ELAC1: variants seen among roughly 807,000 people sequenced by gnomAD.
The protein encoded by ELAC1 is zinc phosphodiesterase ELAC protein 1.
Under a neutral mutation model 25.8 loss-of-function variants are expected in ELAC1, and 19 were observed. The observed-to-expected ratio is 0.74, with a 90% confidence interval of 0.51 to 1.08. ELAC1 has a LOEUF of 1.08. ELAC1 is among the 50% of genes least tolerant of loss of function. The pLI is 0.00. For synonymous variants in ELAC1, 148 were observed against 160.9 expected (o/e 0.92, Z 0.61); for missense variants, 403 against 434.6 (o/e 0.93, Z 0.65).
At chr18:50,981,484 C>G (rs1163493425) in intron 2 of ELAC1, among the ~76,000 whole-genome samples, 1 of 151,978 alleles carries the variant, frequency 6.6e-6, no homozygotes, top group African/African-American at 2.4e-5. Context: ...AGAGAATGCT[C>G]AATATTCCAT....
rs1340759650 is a variant in ELAC1 at position 50,968,087 on chromosome 18, G to C, written c.-36G>C. 1 of 152,110 alleles carries C rather than the reference G, an allele frequency of 6.6e-6. No homozygotes were observed. Among genetic ancestry groups the C allele is most frequent in the Non-Finnish European group, 1.5e-5 (1 of 67,988 alleles). The allele number at this position is 152,110 out of a possible 1,614,324, so 9.4% of individuals were successfully genotyped here. A position where few individuals can be genotyped will look rare whatever the true frequency, so the allele number is the denominator to read the frequency against. ...CAGGGTGCGGGCCTGCGCCTCCCTC[G>C]GCTCCTGGCGCGGGCCTCGGGGAGA... On this transcript the variant is annotated 5_prime_UTR_variant, in exon 1 of 4. Transcript: ENST00000269466.
chr18:50,974,580 A>G lies in ELAC1; in HGVS notation c.157+19A>G, dbSNP rs772093753. ...AAAGCAGGTTAGTGTGCCTTCAGCT[A>G]TCTCATTAAGATTTTTTTGTTGTTC... On this transcript the variant is annotated intron_variant, in intron 2 of 3. Coordinates refer to ENST00000269466, the MANE Select transcript of ELAC1 (RefSeq NM_018696.3). 2.8e-5 allele frequency: 45 copies of G among 1,612,378 alleles called. No individual in the cohort carries two copies.
intron 2 of ELAC1, among the ~76,000 whole-genome samples, chr18:50,978,102 G>T (rs993714385): frequency 1.3e-5 from 2 of 152,180 alleles, no homozygotes; most frequent in Non-Finnish European, 2.9e-5. Flanking sequence ...ACTTTCCCAT[G>T]TCTTCCTGTC....
intron 1 of ELAC1, among the ~76,000 whole-genome samples, chr18:50,971,922 A>G (rs944168972): frequency 2.1e-5 from 3 of 144,298 alleles, no homozygotes; most frequent in Non-Finnish European, 3.0e-5. Context: ...GTATATATAT[A>G]TATATATATA....
chr18:50,971,314 C>G (rs1250395971), intron 1 of ELAC1, among the ~76,000 whole-genome samples: 1 of 152,154 alleles, frequency 6.6e-6, no homozygotes, highest in African/African-American at 2.4e-5. Flanking sequence ...TAGCCATTTA[C>G]CGTCATCCTG....
At chr18:50,974,319 T>C (rs1045988031) in intron 1 of ELAC1, 78 bp from the exon 2 acceptor site, 35 of 1,337,072 alleles carry the variant, frequency 2.6e-5, no homozygotes, top group Non-Finnish European at 3.1e-5. Context: ...CAAAAAGTAA[T>C]AATAGAGATA....
chr18:50,972,657 A>G (rs1907698440), intron 1 of ELAC1, among the ~76,000 whole-genome samples: 1 of 152,004 alleles, frequency 6.6e-6, no homozygotes, highest in East Asian at 1.9e-4. Flanking sequence ...TAATTTTTGT[A>G]TTTTTAGTAG....
chr18:50,972,469 TTGTATGTATGTA>T (rs571227087), intron 1 of ELAC1, among the ~76,000 whole-genome samples: 8 of 151,906 alleles, frequency 5.3e-5, no homozygotes, highest in African/African-American at 1.9e-4. Context: ...ATATTATTGT[TTGTATGTATGTA>T]TGTATGTATG....
chr18:50,968,374 C>T (rs1907558206), intron 1 of ELAC1: 1 of 152,364 alleles, frequency 6.6e-6, no homozygotes, highest in Non-Finnish European at 1.5e-5. Context: ...AATCTGGCCT[C>T]TGGCCCTGCC....
At chr18:50,980,565 C>A (rs975113433) in intron 2 of ELAC1, among the ~76,000 whole-genome samples, 6 of 151,864 alleles carry the variant, frequency 4.0e-5, no homozygotes, top group African/African-American at 1.5e-4. Flanking sequence ...GAGTTTGAGA[C>A]CAGCCTGGCC....
At chr18:50,977,803 A>G (rs1907834902) in intron 2 of ELAC1, among the ~76,000 whole-genome samples, 1 of 152,204 alleles carries the variant, frequency 6.6e-6, no homozygotes, top group African/African-American at 2.4e-5. Flanking sequence ...ATAAGTTACA[A>G]TTCCAAACCA....
intron 2 of ELAC1, among the ~76,000 whole-genome samples, 157 bp downstream of exon 2, chr18:50,974,718 C>G (rs1394959482): frequency 6.6e-6 from 1 of 152,208 alleles, no homozygotes; most frequent in Admixed American, 6.5e-5. Context: ...AGGCATCTGG[C>G]CACGTCCACT....
chr18:50,979,150 TTTTA>T (rs1907873453), intron 2 of ELAC1, among the ~76,000 whole-genome samples: 1 of 152,224 alleles, frequency 6.6e-6, no homozygotes, highest in African/African-American at 2.4e-5. Flanking sequence ...GGATACATCT[TTTTA>T]TTTAATACTT....
In ELAC1 at chr18:50,974,379, A is replaced by T. The variant is rs371710470; in HGVS notation, c.-8-18A>T. On this transcript the variant is annotated intron_variant, in intron 1 of 3. Transcript: ENST00000269466. ...TACAGTGATATGAAATAATCCCCAG[A>T]TGATCTTTCTGTTGCAGGGTGGAAG... is the stretch of plus-strand genomic sequence containing the variant. 1.8e-5 allele frequency: 27 copies of T among 1,509,840 alleles called. No individual in the cohort carries two copies. In the African/African-American group the frequency reaches 3.4e-4, roughly 19 times the overall value. The allele number at this position is 1,509,840 out of a possible 1,614,324, so 93.5% of individuals were successfully genotyped here. A position where few individuals can be genotyped will look rare whatever the true frequency, so the allele number is the denominator to read the frequency against.
chr18:50,969,342 T>G (rs1243192498), intron 1 of ELAC1: 2 of 152,240 alleles, frequency 1.3e-5, no homozygotes, highest in African/African-American at 2.4e-5. Context: ...TCTGGTATCC[T>G]TTAATAAGCA....
At chr18:50,984,667 C>G (rs1412014282) in intron 3 of ELAC1, 104 bp downstream of exon 3, 3 of 870,230 alleles carry the variant, frequency 3.4e-6, no homozygotes, top group Non-Finnish European at 5.2e-6. Context: ...AGTTGTGGCT[C>G]ACGCCTGTAA....
chr18:50,970,510 A>G (rs1374534370), intron 1 of ELAC1, among the ~76,000 whole-genome samples: 1 of 152,148 alleles, frequency 6.6e-6, no homozygotes, highest in Non-Finnish European at 1.5e-5. Context: ...GGAGGTGATA[A>G]TGTAGAGTAA....
At position 50,984,241 on chromosome 18, in the gene ELAC1, C is replaced by T; in HGVS notation, c.303C>T (p.Asp101=). 6.2e-7 allele frequency: 1 copy of T among 1,614,180 alleles called. No homozygotes were observed. The highest frequency in any genetic ancestry group is 8.5e-7 in the Non-Finnish European group (1 of 1,180,032). The change falls in exon 3 of 4, where the codon GAC becomes GAT. Residue 101 remains aspartate (D), a synonymous_variant. Coordinates refer to ENST00000269466, the MANE Select transcript of ELAC1 (RefSeq NM_018696.3). ...IEIYGPVGLR[D]FIWRTMELSH... ...TCTATGGCCCTGTAGGGCTTCGGGA[C>T]TTTATCTGGCGAACCATGGAACTCT...
chr18:50,974,958 TG>T (rs1291583015), intron 2 of ELAC1, among the ~76,000 whole-genome samples: 2 of 152,084 alleles, frequency 1.3e-5, no homozygotes, highest in Non-Finnish European at 1.5e-5. Flanking sequence ...GTTTTCCTCT[TG>T]GGGTTATCAG....
Sources: allele counts gnomAD v4.1 joint callset (sites outside exome capture counted in the v4.1 genomes callset), GRCh38; gene constraint gnomAD v4.1.1; transcripts MANE v1.5; gene names NCBI Gene and HGNC (gene_info 2026-07-23, HGNC 2026-07-21).